TSHZ3: variants seen among roughly 807,000 people sequenced by gnomAD.
TSHZ3 encodes the protein teashirt zinc finger homeobox 3.
A neutral mutation model predicts 64.5 loss-of-function variants in TSHZ3; 10 were observed. The ratio of observed to expected loss-of-function variants is 0.16; its 90% CI spans 0.10 to 0.26. The LOEUF (loss-of-function observed/expected upper bound fraction) is 0.26, where lower values mean the gene tolerates loss of function less well. Among genes scored for constraint, TSHZ3 ranks in the 10% least tolerant of loss-of-function variants. The pLI, the probability that TSHZ3 is intolerant of heterozygous loss-of-function variation, is 1.00. For missense variants in TSHZ3, 1,242 were observed against 1,421.7 expected, an observed-to-expected ratio of 0.87 and a Z score of 2.03; for synonymous variants, 608 against 593.1, an observed-to-expected ratio of 1.03 and a Z score of -0.36.
chr19:31,202,751 G>A (rs1975106137), intron 5 of TSHZ3, among the ~76,000 whole-genome samples: 1 of 152,180 alleles, frequency 6.6e-6, no homozygotes, highest in Non-Finnish European at 1.5e-5. Context: ...AAGTGGGAGG[G>A]ATATTTTTAA....
chr19:31,270,910 C>T (rs1976125781), downstream of TSHZ3, among the ~76,000 whole-genome samples: 1 of 152,172 alleles, frequency 6.6e-6, no homozygotes, highest in Admixed American at 6.6e-5. Flanking sequence ...CAGTACCTGA[C>T]ATTATACAAA....
intron 1 of TSHZ3, among the ~76,000 whole-genome samples, chr19:31,302,608 T>A (rs183853833): frequency 6.6e-6 from 1 of 151,914 alleles, no homozygotes; most frequent in East Asian, 1.9e-4. Context: ...CTGACCTTTA[T>A]AAGTGTGCTT....
intron 5 of TSHZ3, among the ~76,000 whole-genome samples, chr19:31,157,459 T>C (rs1011146672): frequency 6.6e-6 from 1 of 152,180 alleles, no homozygotes; most frequent in African/African-American, 2.4e-5. Context: ...GTATAATAGA[T>C]ACTATAAGAT....
intron 5 of TSHZ3, among the ~76,000 whole-genome samples, chr19:31,194,889 GA>G (rs1420603740): frequency 6.6e-6 from 1 of 151,968 alleles, no homozygotes; most frequent in East Asian, 1.9e-4. Context: ...GAAATTCTAA[GA>G]AAAAAGAAAC....
chr19:31,153,973 C>G (rs1038451064), intron 6 of TSHZ3, among the ~76,000 whole-genome samples: 1 of 152,360 alleles, frequency 6.6e-6, no homozygotes, highest in Middle Eastern at 3.4e-3. Flanking sequence ...AATTTCTTCA[C>G]TCTTGTGTTT....
At chr19:31,180,165 G>A (rs1974689433) in intron 5 of TSHZ3, among the ~76,000 whole-genome samples, 1 of 152,096 alleles carries the variant, frequency 6.6e-6, no homozygotes, top group Non-Finnish European at 1.5e-5. Flanking sequence ...TGTAGACTAG[G>A]GCTTGGCAGT....
downstream of TSHZ3, among the ~76,000 whole-genome samples, chr19:31,273,059 G>C (rs1251707561): frequency 1.3e-5 from 2 of 152,152 alleles, no homozygotes; most frequent in Non-Finnish European, 2.9e-5. Flanking sequence ...GGGCCATTCT[G>C]GGCTGGGGTG....
intron 3 of TSHZ3, among the ~76,000 whole-genome samples, chr19:31,232,727 C>G (rs1975557333): frequency 6.6e-6 from 1 of 152,190 alleles, no homozygotes; most frequent in African/African-American, 2.4e-5. Context: ...CTACCCCCTG[C>G]TCCAGTTAAC....
At chr19:31,226,711 A>AGACATAAGT (rs1975467417) in intron 4 of TSHZ3, among the ~76,000 whole-genome samples, 2 of 152,122 alleles carry the variant, frequency 1.3e-5, no homozygotes, top group Non-Finnish European at 2.9e-5. Flanking sequence ...CCTGTGTTCA[A>AGACATAAGT]GACATAAGGT....
intron 1 of TSHZ3, among the ~76,000 whole-genome samples, chr19:31,264,621 T>C (rs1307209004): frequency 1.3e-5 from 2 of 152,268 alleles, no homozygotes; most frequent in East Asian, 3.9e-4. Flanking sequence ...TGCAGGAATG[T>C]GGCATCCGGA....
chr19:31,223,601 T>A (rs1012633454), intron 4 of TSHZ3, among the ~76,000 whole-genome samples: 1 of 152,198 alleles, frequency 6.6e-6, no homozygotes, highest in African/African-American at 2.4e-5. Context: ...TGGAAAGCGA[T>A]GCACATGTAT....
At chr19:31,250,227 A>G (rs1414342889) in intron 1 of TSHZ3, among the ~76,000 whole-genome samples, 1 of 152,230 alleles carries the variant, frequency 6.6e-6, no homozygotes, top group African/African-American at 2.4e-5. Context: ...GCAAGCAGAC[A>G]TTGTTACCCT....
Position 31,278,524 on chromosome 19 carries a change from C to T in TSHZ3, c.1269G>A (p.Lys423=), listed in dbSNP as rs1249939975. The change falls in exon 2 of 2, where the codon AAG becomes AAA. Residue 423 remains lysine, a synonymous_variant. Transcript: ENST00000240587. The surrounding 1 kb of genome is among the most constrained non-coding windows in gnomAD (Gnocchi z 4.7). Reference sequence around the variant, plus strand: ...GTGTGACAGGCGTCTCCACAATGGGCTTCCCCTTTTTCATAGCAGAGTTGG... The same window carrying T: ...GTGTGACAGGCGTCTCCACAATGGGTTTCCCCTTTTTCATAGCAGAGTTGG... The part of the protein sequence containing the change: ...KVTNSAMKKG[K]PIVETPVTPT... 1.9e-6 allele frequency: 3 copies of T among 1,614,152 alleles called. No individual in the cohort carries two copies. The highest frequency in any genetic ancestry group is 2.7e-5 in the African/African-American group (2 of 75,034).
chr19:31,254,562 A>T (rs1354515446), intron 1 of TSHZ3, among the ~76,000 whole-genome samples: 3 of 152,170 alleles, frequency 2.0e-5, no homozygotes, highest in Admixed American at 6.5e-5. Context: ...GCCACAATGG[A>T]TGCATTTCTG....
At chr19:31,214,909 G>GAAAAAA (rs950173415) in intron 4 of TSHZ3, among the ~76,000 whole-genome samples, 7 of 41,848 alleles carry the variant, frequency 1.7e-4, no homozygotes, top group East Asian at 7.5e-4. Context: ...CTCTGTCTCA[G>GAAAAAA]AAAAAAAAAA....
At chr19:31,254,316 G>A (rs1209172224) in intron 1 of TSHZ3, among the ~76,000 whole-genome samples, 3 of 152,194 alleles carry the variant, frequency 2.0e-5, no homozygotes, top group African/African-American at 4.8e-5. Flanking sequence ...GGGTGTACAC[G>A]TTCTGGTCCC....
At chr19:31,153,904 C>T (rs1974270705) in intron 6 of TSHZ3, among the ~76,000 whole-genome samples, 2 of 152,304 alleles carry the variant, frequency 1.3e-5, no homozygotes, top group South Asian at 4.1e-4. Flanking sequence ...TCAGCCTTAG[C>T]CCTGTGTTTA....
At chr19:31,168,957 T>C (rs1467074833) in intron 5 of TSHZ3, among the ~76,000 whole-genome samples, 1 of 152,176 alleles carries the variant, frequency 6.6e-6, no homozygotes, top group African/African-American at 2.4e-5. Context: ...AATTCAGTTC[T>C]TTATGTGAAC....
downstream of TSHZ3, among the ~76,000 whole-genome samples, chr19:31,274,770 C>A (rs920412485): frequency 1.3e-5 from 2 of 151,906 alleles, no homozygotes; most frequent in African/African-American, 4.8e-5. Flanking sequence ...GTGCTCCCTG[C>A]TCTCCAAACG....
Sources: allele counts gnomAD v4.1 joint callset (sites outside exome capture counted in the v4.1 genomes callset), GRCh38; gene constraint gnomAD v4.1.1; non-coding constraint Gnocchi (gnomAD v3.1); transcripts MANE v1.5; gene names NCBI Gene and HGNC (gene_info 2026-07-23, HGNC 2026-07-21).